Variants in RNF216 observed in about 807,000 individuals in gnomAD.
RNF216 encodes ring finger protein 216.
RNF216 carries 72 observed loss-of-function variants against 110.8 expected under a neutral mutation model. That is an observed-to-expected ratio of 0.65 (90% confidence interval 0.54 to 0.79). RNF216 has a LOEUF of 0.79. RNF216 is among the 30% of genes least tolerant of loss of function. The pLI is 0.00. For missense variants in RNF216, 1,342 were observed against 1,141.2 expected, an observed-to-expected ratio of 1.18 and a Z score of -2.54; for synonymous variants, 495 against 407.5, an observed-to-expected ratio of 1.21 and a Z score of -2.59.
At chr7:5,693,314 T>C (rs904981179) in intron 13 of RNF216, among the ~76,000 whole-genome samples, 2 of 152,218 alleles carry the variant, frequency 1.3e-5, no homozygotes, top group African/African-American at 4.8e-5. Flanking sequence ...CCTTGCCTTT[T>C]ACAGAAAAAG....
chr7:5,695,901 G>T (rs1243632705), intron 13 of RNF216, among the ~76,000 whole-genome samples: 2 of 152,224 alleles, frequency 1.3e-5, no homozygotes, highest in African/African-American at 2.4e-5. Flanking sequence ...TGCACTGAAA[G>T]ACTAAGCAGA....
chr7:5,652,466 G>A lies in RNF216; in HGVS notation c.2106C>T (p.Gly702=). 6.2e-7 allele frequency: 1 copy of A among 1,613,936 alleles called. No homozygotes were observed. Among genetic ancestry groups the A allele is most frequent in the Non-Finnish European group, 8.5e-7 (1 of 1,179,854 alleles). ...TTTCAGCCAGCTCTTCACAGGTGAG[G>A]CCATTATGTTCTTTCCAGAGTCCCT... ...KCQGLWKEHN[G]LTCEELAEKD... The change falls in exon 14 of 17, where the codon GGC becomes GGT. Residue 702 remains glycine, a synonymous_variant. Coordinates refer to ENST00000389902, the MANE Select transcript of RNF216 (RefSeq NM_207111.4).
intron 13 of RNF216, among the ~76,000 whole-genome samples, chr7:5,706,036 T>C (rs185274823): frequency 8.8e-4 from 133 of 150,616 alleles, no homozygotes; most frequent in African/African-American, 3.1e-3. Context: ...CTGGCTAACA[T>C]GGTGAAACCC....
intron 4 of RNF216, among the ~76,000 whole-genome samples, chr7:5,740,351 A>G (rs960994150): frequency 6.6e-6 from 1 of 152,004 alleles, no homozygotes; most frequent in African/African-American, 2.4e-5. Flanking sequence ...TGGTCTTGAT[A>G]TCCTGATCTT....
intron 15 of RNF216, among the ~76,000 whole-genome samples, chr7:5,638,305 T>C (rs1787523990): frequency 1.3e-5 from 2 of 152,236 alleles, no homozygotes; most frequent in Admixed American, 1.3e-4. Context: ...CTCCTGTTTT[T>C]TGGGATATTT....
chr7:5,731,258 A>T (rs77469878), intron 5 of RNF216, among the ~76,000 whole-genome samples: 6,438 of 152,326 alleles, frequency 0.042, 175 homozygotes, highest in South Asian at 0.088. Context: ...AATGAAATAT[A>T]AAAGACCTTC....
chr7:5,634,729 GCGTCC>G (rs1787293683), intron 15 of RNF216, among the ~76,000 whole-genome samples: 1 of 152,308 alleles, frequency 6.6e-6, no homozygotes, highest in Admixed American at 6.5e-5. Context: ...GCCATGTTTT[GCGTCC>G]CGTCAGGGTC....
chr7:5,745,922 G>A (rs1795007854), intron 3 of RNF216, among the ~76,000 whole-genome samples: 1 of 148,726 alleles, frequency 6.7e-6, no homozygotes, highest in Admixed American at 6.7e-5. Flanking sequence ...AGAGCAACGA[G>A]AACACTTACT....
At chr7:5,665,100 GAC>G (rs1395576781) in intron 13 of RNF216, among the ~76,000 whole-genome samples, 1 of 152,142 alleles carries the variant, frequency 6.6e-6, no homozygotes, top group Non-Finnish European at 1.5e-5. Context: ...ACCCAGCCAG[GAC>G]ACACAAAATT....
chr7:5,655,967 C>T, intron 13 of RNF216, among the ~76,000 whole-genome samples: 1 of 152,018 alleles, frequency 6.6e-6, no homozygotes, highest in East Asian at 1.9e-4. Context: ...AGCGATCTCC[C>T]ACCTCAGCCT....
rs1382509333 is a variant in RNF216 at position 5,749,166 on chromosome 7, T to TTTG, written c.201+3677_201+3679dup. On this transcript the variant is annotated intron_variant, in intron 3 of 16. Transcript: ENST00000389902. ...GCCCATGTATTTTTTTTTTTTTTTT[T>TTTG]TTGAGACAGGGTCTCCCTCTGTCAT... Among the ~76,000 whole-genome samples, 7 of 151,448 alleles carry TTTG rather than the reference T, an allele frequency of 4.6e-5. 1 individual carries two copies. The East Asian group carries it at 1.4e-3, about 29-fold the overall frequency.
Position 5,674,999 on chromosome 7 carries a change from AAAAC to A in RNF216, c.2062-22493_2062-22490del, listed in dbSNP as rs769893553. On this transcript the variant is annotated intron_variant, in intron 13 of 16. Coordinates refer to ENST00000389902, the MANE Select transcript of RNF216 (RefSeq NM_207111.4). ...GCGACAGAGAGAGACTCTGTCTCAA[AAAAC>A]AAACAAACAAACAATATATATATAT... Among the ~76,000 whole-genome samples the A allele has an allele frequency of 6.6e-5, 10 of 152,238 alleles. No individual in the cohort carries two copies. The South Asian group carries it at 1.2e-3, about 19-fold the overall frequency.
In RNF216 at chr7:5,741,617, A is replaced by G; in HGVS notation, c.400T>C (p.Phe134Leu). Residue 134 changes from phenylalanine (F) to leucine (L), a missense_variant, in exon 4 of 17, where the codon TTT becomes CTT. Coordinates refer to ENST00000389902, the MANE Select transcript of RNF216 (RefSeq NM_207111.4). ...ATTCCAGGAGGCCCAAGATCCAGAA[A>G]TTCACCGTAGTCATCCTCAGAATCA... Reference protein sequence around the residue: ...QDDSEDDYGEFLDLGPPGISE... With the variant: ...QDDSEDDYGELLDLGPPGISE... 6.2e-7 allele frequency: 1 copy of G among 1,614,150 alleles called. No individual in the cohort carries two copies. The highest frequency in any genetic ancestry group is 8.5e-7 in the Non-Finnish European group (1 of 1,180,034).
intron 11 of RNF216, among the ~76,000 whole-genome samples, chr7:5,714,671 C>T (rs1792927766): frequency 1.3e-5 from 2 of 152,198 alleles, no homozygotes; most frequent in African/African-American, 4.8e-5. Flanking sequence ...TGCTGGTGTC[C>T]AGAGAAACTC....
In RNF216 at chr7:5,741,289, C is replaced by T. The variant is rs747054051; in HGVS notation, c.728G>A (p.Arg243His). Residue 243 changes from arginine to histidine, a missense_variant, in exon 4 of 17, where the codon CGT becomes CAT. Arg to His is a conservative substitution (Grantham distance 29, BLOSUM62 0). Transcript: ENST00000389902. Reference sequence around the variant, plus strand: ...AGGAACGACCTGGTTTGTTATTTCACGGGGCTGTTGGTTCAGAGACTGGAA... The same window carrying T: ...AGGAACGACCTGGTTTGTTATTTCATGGGGCTGTTGGTTCAGAGACTGGAA... ...PYFQSLNQQP[R>H]EITNQVVPQE... 1.2e-5 allele frequency: 19 copies of T among 1,613,904 alleles called. No individual in the cohort carries two copies. Among genetic ancestry groups the T allele is most frequent in the East Asian group, 2.2e-5 (1 of 44,888 alleles).
In RNF216 at chr7:5,623,022, C is replaced by T. The variant is rs145982348; in HGVS notation, c.2610G>A (p.Arg870=). Reference sequence around the variant, plus strand: ...TGAGTGGGAAGTTGTTGAACACAGGCCGCACGGGAGGCAGGGGGAAGGGTG... The same window carrying T: ...TGAGTGGGAAGTTGTTGAACACAGGTCGCACGGGAGGCAGGGGGAAGGGTG... ...AHPPFPLPPV[R]PVFNNFPLNM... Residue 870 remains arginine (R), a synonymous_variant, in exon 17 of 17, where the codon CGG becomes CGA. Transcript: ENST00000389902. 2 of 1,613,888 alleles carry T rather than the reference C, an allele frequency of 1.2e-6. No homozygotes were observed. The highest frequency in any genetic ancestry group is 1.7e-6 in the Non-Finnish European group (2 of 1,179,976).
intron 13 of RNF216, among the ~76,000 whole-genome samples, chr7:5,656,492 G>A (rs148470361): frequency 1.3e-5 from 2 of 152,112 alleles, no homozygotes; most frequent in African/African-American, 2.4e-5. Flanking sequence ...GTGCCTTTCC[G>A]ACTGGGGGAA....
intron 14 of RNF216, among the ~76,000 whole-genome samples, chr7:5,645,254 T>C (rs1265151627): frequency 6.6e-6 from 1 of 152,104 alleles, no homozygotes; most frequent in Non-Finnish European, 1.5e-5. Flanking sequence ...TTCAGCTTCT[T>C]GGATGTATAG....
At chr7:5,682,812 G>C (rs891577939) in intron 13 of RNF216, among the ~76,000 whole-genome samples, 1 of 152,104 alleles carries the variant, frequency 6.6e-6, no homozygotes, top group South Asian at 2.1e-4. Flanking sequence ...TAAGCAAATG[G>C]ATTCTCTTGG....
Sources: allele counts gnomAD v4.1 joint callset (sites outside exome capture counted in the v4.1 genomes callset), GRCh38; gene constraint gnomAD v4.1.1; transcripts MANE v1.5; gene names NCBI Gene and HGNC (gene_info 2026-07-23, HGNC 2026-07-21).